JAM2: variants seen among roughly 807,000 people sequenced by gnomAD.
JAM2 encodes the protein junctional adhesion molecule B.
In JAM2, 17 loss-of-function variants were observed where a neutral mutation model predicts 42.0. The observed-to-expected ratio is 0.40, with a 90% CI of 0.28 to 0.61. The LOEUF is 0.61. Ranked by LOEUF, JAM2 falls within the 20% of genes least tolerant of loss-of-function variation. The pLI is 0.37. For synonymous variants in JAM2, 118 were observed against 128.6 expected, an observed-to-expected ratio of 0.92 and a Z score of 0.56; for missense variants, 319 against 358.3, an observed-to-expected ratio of 0.89 and a Z score of 0.89.
At chr21:25,661,645 T>C (rs2033092000) in intron 1 of JAM2, among the ~76,000 whole-genome samples, 1 of 151,888 alleles carries the variant, frequency 6.6e-6, no homozygotes, top group Non-Finnish European at 1.5e-5. Context: ...TATATGTTTG[T>C]ATATGTAATG....
At chr21:25,691,606 C>T (rs886791133) in intron 3 of JAM2, among the ~76,000 whole-genome samples, 4 of 152,168 alleles carry the variant, frequency 2.6e-5, no homozygotes, top group African/African-American at 9.7e-5. Flanking sequence ...CGCAGTGTTA[C>T]GTGAGCCACC....
chr21:25,711,963 A>G (rs769928833), intron 8 of JAM2: 23 of 226,110 alleles, frequency 1.0e-4, no homozygotes, highest in Admixed American at 2.7e-4. Context: ...GTCACCATGT[A>G]AAACTTTTTC....
chr21:25,675,783 C>T (rs1405431015), intron 1 of JAM2, among the ~76,000 whole-genome samples: 2 of 151,994 alleles, frequency 1.3e-5, no homozygotes, highest in African/African-American at 2.4e-5. Context: ...CCCACCAGCC[C>T]GACTTCCAGC....
chr21:25,685,996 A>T (rs769291623), intron 2 of JAM2, among the ~76,000 whole-genome samples: 22 of 152,318 alleles, frequency 1.4e-4, no homozygotes, highest in South Asian at 4.1e-4. Context: ...ATTATTTTTT[A>T]AAAAATGTAT....
intron 1 of JAM2, among the ~76,000 whole-genome samples, chr21:25,655,901 T>C (rs2032926054): frequency 1.4e-5 from 2 of 145,782 alleles, no homozygotes; most frequent in East Asian, 2.0e-4. Flanking sequence ...ATTTAGTCTA[T>C]TTCCCACTAA....
chr21:25,658,267 G>T (rs8126558), intron 1 of JAM2, among the ~76,000 whole-genome samples: 19,292 of 151,986 alleles, frequency 0.13, 2,668 homozygotes, highest in African/African-American at 0.35. Flanking sequence ...TAACTCCAAG[G>T]TTGTAAACTT....
intron 1 of JAM2, 52 bp downstream of exon 1, chr21:25,639,940 C>T (rs1328231669): frequency 1.6e-6 from 2 of 1,276,188 alleles, no homozygotes; most frequent in Non-Finnish European, 2.2e-6. Flanking sequence ...CCTGCCCCCA[C>T]CCTCCAGCCC....
At chr21:25,706,132 T>C in intron 7 of JAM2, 46 bp downstream of exon 7, 5 of 1,178,394 alleles carry the variant, frequency 4.2e-6, no homozygotes, top group Non-Finnish European at 5.1e-6. Flanking sequence ...TCTATGGCTA[T>C]GGAGTTTATT....
intron 6 of JAM2, among the ~76,000 whole-genome samples, chr21:25,703,582 A>T (rs948381003): frequency 4.6e-5 from 7 of 152,112 alleles, no homozygotes; most frequent in Admixed American, 3.3e-4. Context: ...CCAAAATTAG[A>T]ATATGTTAAC....
rs1271566870 is a variant in JAM2, at chr21:25,716,975, G to A, written c.*2303G>A. On this transcript the variant is annotated 3_prime_UTR_variant, in exon 10 of 10. Coordinates refer to ENST00000480456, the MANE Select transcript of JAM2 (RefSeq NM_021219.4). ...AGTTTAAATGACACAAATCCATATT[G>A]TGGAAGGAAAATATGTAGTGCCTTA... 6.6e-6 allele frequency: 1 copy of A among 152,206 alleles called. No homozygotes were observed. Among genetic ancestry groups the A allele is most frequent in the Non-Finnish European group, 1.5e-5 (1 of 68,052 alleles). The allele number at this position is 152,206 out of a possible 1,614,324, so 9.4% of individuals were successfully genotyped here.
intron 1 of JAM2, among the ~76,000 whole-genome samples, chr21:25,656,385 T>A (rs1431739046): frequency 6.6e-6 from 1 of 152,216 alleles, no homozygotes; most frequent in Admixed American, 6.5e-5. Context: ...AAATATTCAT[T>A]TAATGTTAAA....
At chr21:25,682,459 C>T (rs1040643583) in intron 1 of JAM2, among the ~76,000 whole-genome samples, 1 of 152,228 alleles carries the variant, frequency 6.6e-6, no homozygotes, top group Non-Finnish European at 1.5e-5. Context: ...TGATCCCCCT[C>T]GCAGGACGTG....
At chr21:25,687,524 A>C (rs1458583486) in intron 2 of JAM2, among the ~76,000 whole-genome samples, 4 of 152,298 alleles carry the variant, frequency 2.6e-5, no homozygotes, top group Admixed American at 2.0e-4. Context: ...TTAGGTTGTA[A>C]GTTCATTTAC....
In JAM2 at chr21:25,717,272, TGAG is replaced by T. The variant is rs1159335558; in HGVS notation, c.*2603_*2605del. The T allele has an allele frequency of 6.3e-6, 1 of 159,120 alleles. No individual in the cohort carries two copies. Among genetic ancestry groups the T allele is most frequent in the African/African-American group, 2.4e-5 (1 of 41,598 alleles). The allele number at this position is 159,120 out of a possible 1,614,324, so 9.9% of individuals were successfully genotyped here. The stretch of plus-strand genomic sequence containing the variant: ...ACTTGTATTTGCATTTGTGTTTACT[TGAG>T]GAACTTGAACACTAACAACTGGTAA... On this transcript the variant is annotated 3_prime_UTR_variant, in exon 10 of 10. Transcript: ENST00000480456.
rs2032350798 is a variant in JAM2 at position 25,639,306 on chromosome 21, C to G, written c.-516C>G. The stretch of plus-strand genomic sequence containing the variant: ...GGGGAAGAAAGGAGTTGGGGCAAAA[C>G]AGGAGGCGTTTCCCTACCCGCATAC... On this transcript the variant is annotated 5_prime_UTR_variant, in exon 1 of 10. Coordinates refer to ENST00000480456, the MANE Select transcript of JAM2 (RefSeq NM_021219.4). 1 of 153,318 alleles carries G rather than the reference C, an allele frequency of 6.5e-6. No homozygotes were observed. The highest frequency in any genetic ancestry group is 1.5e-5 in the Non-Finnish European group (1 of 68,872). The allele number at this position is 153,318 out of a possible 1,614,324, so 9.5% of individuals were successfully genotyped here.
rs2033219494 is a variant in JAM2 at position 25,666,315 on chromosome 21, T to TTATTATTATTATTA, written c.68-17567_68-17566insATTATTATTATTAT. 3.6e-3 allele frequency among the ~76,000 whole-genome samples: 526 copies of TTATTATTATTATTA among 146,610 alleles called. 2 individuals carry two copies. The highest frequency in any genetic ancestry group is 0.012 in the African/African-American group (468 of 39,236). On this transcript the variant is annotated intron_variant, in intron 1 of 9. Coordinates refer to ENST00000480456, the MANE Select transcript of JAM2 (RefSeq NM_021219.4). ...TTTTAAAAATTACATTGTTACGGCT[T>TTATTATTATTATTA]TTATTATTATTATTATTATTATTAT... is the stretch of plus-strand genomic sequence containing the variant.
rs77170099 is a variant in JAM2, at chr21:25,696,511, G to C, written c.395-2166G>C. Among the ~76,000 whole-genome samples, 574 of 152,260 alleles carry C rather than the reference G, an allele frequency of 3.8e-3. 4 individuals carry two copies. Among genetic ancestry groups the C allele is most frequent in the African/African-American group, 0.013 (543 of 41,556 alleles). ...ACTAGTATAGGAGAAATTTAAATCA[G>C]AAAACCTTGCAGCAGATCCGGCCAG... On this transcript the variant is annotated intron_variant, in intron 4 of 9. Transcript: ENST00000480456.
intron 1 of JAM2, among the ~76,000 whole-genome samples, chr21:25,666,521 C>T (rs1345975832): frequency 6.6e-6 from 1 of 151,868 alleles, no homozygotes; most frequent in African/African-American, 2.4e-5. Flanking sequence ...GACAGGGTTT[C>T]GCCATGTTGG....
intron 1 of JAM2, among the ~76,000 whole-genome samples, chr21:25,646,355 A>G (rs1204935709): frequency 6.6e-6 from 1 of 152,178 alleles, no homozygotes; most frequent in Non-Finnish European, 1.5e-5. Context: ...CAACCTATAA[A>G]CATGAAACAG....
Sources: gnomAD v4.1 joint callset for allele counts (sites outside exome capture counted in the v4.1 genomes callset) on GRCh38, gnomAD v4.1.1 for gene constraint, MANE v1.5 for transcripts, NCBI Gene and HGNC (gene_info 2026-07-23, HGNC 2026-07-21) for gene names.